The following PLCE1 variants were observed in gnomAD, a reference collection of about 807,000 sequenced individuals.
The protein encoded by PLCE1 is phospholipase C epsilon 1.
A neutral mutation model predicts 242.8 loss-of-function variants in PLCE1; 119 were observed. The observed-to-expected ratio is 0.49, with a 90% CI of 0.42 to 0.57. The LOEUF is 0.57. Ranked by LOEUF, PLCE1 falls within the 20% of genes least tolerant of loss-of-function variation. The pLI, the probability that PLCE1 is intolerant of heterozygous loss-of-function variation, is 0.00. For missense variants in PLCE1, 2,441 were observed against 2,788.8 expected, an observed-to-expected ratio of 0.88 and a Z score of 2.81; for synonymous variants, 945 against 1,017.4, an observed-to-expected ratio of 0.93 and a Z score of 1.35.
In PLCE1 at chr10:94,116,391, T is replaced by C. The variant is rs868324318; in HGVS notation, c.1207-15783T>C. 9.2e-5 allele frequency among the ~76,000 whole-genome samples: 14 copies of C among 152,324 alleles called. 1 individual carries two copies. The highest frequency in any genetic ancestry group is 2.1e-4 in the South Asian group (1 of 4,830). On this transcript the variant is annotated intron_variant, in intron 2 of 32. Coordinates refer to ENST00000371380, the MANE Select transcript of PLCE1 (RefSeq NM_016341.4). ...ATTGGTAGGAAAAGGTTGCCAAGTC[T>C]GCCTTAAGAATTTTTAGGAATGGCA...
At chr10:94,220,389 T>TATAC (rs1437377538) in intron 4 of PLCE1, among the ~76,000 whole-genome samples, 1 of 117,640 alleles carries the variant, frequency 8.5e-6, no homozygotes, top group East Asian at 2.8e-4. Context: ...TATATATATA[T>TATAC]ATATATATAT....
At chr10:94,231,739 C>A (rs576251377) in intron 5 of PLCE1, among the ~76,000 whole-genome samples, 12 of 152,266 alleles carry the variant, frequency 7.9e-5, no homozygotes, top group Admixed American at 7.8e-4. Flanking sequence ...CACATCAGAT[C>A]ATCAGGCATT....
chr10:94,274,612 AG>A (rs2051877030), intron 19 of PLCE1, among the ~76,000 whole-genome samples: 1 of 152,170 alleles, frequency 6.6e-6, no homozygotes, highest in South Asian at 2.1e-4. Context: ...GATACAGGAC[AG>A]CTGGAAGTGG....
Position 94,287,878 on chromosome 10 carries a change from G to C in PLCE1, c.5035+2913G>C, listed in dbSNP as rs185867863. Among the ~76,000 whole-genome samples the C allele has an allele frequency of 2.0e-4, 30 of 152,070 alleles. No individual in the cohort carries two copies. The East Asian group carries it at 5.6e-3, about 28-fold the overall frequency. ...CTAGTGCCAGGCCATTGCTCAGAGT[G>C]TTCTCAACCTTGCCTGGCCTTCCTT... On this transcript the variant is annotated intron_variant, in intron 22 of 32. Coordinates refer to ENST00000371380, the MANE Select transcript of PLCE1 (RefSeq NM_016341.4).
chr10:94,186,845 C>G (rs2136530884), intron 4 of PLCE1, among the ~76,000 whole-genome samples: 1 of 152,314 alleles, frequency 6.6e-6, no homozygotes, highest in East Asian at 1.9e-4. Flanking sequence ...TCTAATTTCT[C>G]TCGCATTCGT....
At chr10:94,067,298 G>T (rs1413069147) in intron 2 of PLCE1, among the ~76,000 whole-genome samples, 1 of 152,174 alleles carries the variant, frequency 6.6e-6, no homozygotes, top group Non-Finnish European at 1.5e-5. Flanking sequence ...GACTGAATCA[G>T]AGTTTTTGGA....
intron 2 of PLCE1, among the ~76,000 whole-genome samples, chr10:94,060,634 CTGTGATACATTA>C (rs2044024884): frequency 6.6e-6 from 1 of 151,680 alleles, no homozygotes. Flanking sequence ...TTTTTTGCAG[CTGTGATACATTA>C]ACGTTAGCAT....
intron 1 of PLCE1, among the ~76,000 whole-genome samples, chr10:94,019,762 C>A (rs1359632539): frequency 1.3e-5 from 2 of 151,950 alleles, no homozygotes; most frequent in Admixed American, 6.6e-5. Context: ...ATCTAAACTT[C>A]AAATAAATAG....
chr10:94,312,087 A>G (rs572793352), intron 27 of PLCE1, among the ~76,000 whole-genome samples: 3 of 152,284 alleles, frequency 2.0e-5, no homozygotes, highest in East Asian at 3.9e-4. Flanking sequence ...GGTTTTGTAA[A>G]TGTTGGCAAC....
intron 2 of PLCE1, among the ~76,000 whole-genome samples, chr10:94,060,539 C>T (rs746440972): frequency 3.6e-4 from 55 of 152,002 alleles, no homozygotes; most frequent in Non-Finnish European, 5.3e-4. Flanking sequence ...AATGAGTACT[C>T]GTGTGGCTTG....
rs146053648 is a variant in PLCE1 at position 94,183,954 on chromosome 10, C to T, written c.1809+12458C>T. ...CCACCCCATGATCCAGCACCTCCCA[C>T]GAGGCCCCAACATTGGGGATCACAT... On this transcript the variant is annotated intron_variant, in intron 4 of 32. Coordinates refer to ENST00000371380, the MANE Select transcript of PLCE1 (RefSeq NM_016341.4). Among the ~76,000 whole-genome samples, 641 of 152,310 alleles carry T rather than the reference C, an allele frequency of 4.2e-3. 5 individuals are homozygous for T. The highest frequency in any genetic ancestry group is 0.013 in the African/African-American group (550 of 41,558).
intron 4 of PLCE1, among the ~76,000 whole-genome samples, chr10:94,173,081 T>C (rs2048030510): frequency 6.6e-6 from 1 of 152,192 alleles, no homozygotes; most frequent in Non-Finnish European, 1.5e-5. Context: ...GAGACAGATA[T>C]TGTCATTAGC....
intron 1 of PLCE1, among the ~76,000 whole-genome samples, chr10:94,007,909 G>A (rs180875998): frequency 1.4e-3 from 213 of 151,014 alleles, no homozygotes; most frequent in African/African-American, 4.7e-3. Context: ...CAGGCATGGT[G>A]GCTTATGCTT....
chr10:94,176,868 G>T (rs907524607), intron 4 of PLCE1, among the ~76,000 whole-genome samples: 1 of 152,200 alleles, frequency 6.6e-6, no homozygotes, highest in Non-Finnish European at 1.5e-5. Context: ...GGGGTGTCCA[G>T]GTGGGTGACA....
chr10:94,231,193 A>G (rs1479399129), intron 5 of PLCE1, among the ~76,000 whole-genome samples: 1 of 152,240 alleles, frequency 6.6e-6, no homozygotes, highest in Non-Finnish European at 1.5e-5. Flanking sequence ...CAATTCAACA[A>G]TAAAGAATTG....
rs1195475424 is a variant in PLCE1 at position 94,332,199 on chromosome 10, A to G, written c.*4256A>G. 3.3e-5 allele frequency: 5 copies of G among 152,250 alleles called. No individual in the cohort carries two copies. The East Asian group carries it at 9.7e-4, about 29-fold the overall frequency. 9.4% of individuals were successfully genotyped at this position (152,250 alleles called of 1,614,324 possible). ...ACTCTTATACATCTCTTAGATTCAA[A>G]ACATACTATGCACAAGCCTGTCACC... On this transcript the variant is annotated 3_prime_UTR_variant, in exon 33 of 33. Coordinates refer to ENST00000371380, the MANE Select transcript of PLCE1 (RefSeq NM_016341.4).
At chr10:94,265,595 C>T (rs369325600) in intron 14 of PLCE1, 52 bp from the exon 15 acceptor site, 3 of 1,442,020 alleles carry the variant, frequency 2.1e-6, no homozygotes, top group African/African-American at 1.4e-5. Flanking sequence ...GTTTCTTTCC[C>T]CCTCTTAGTT....
chr10:94,029,074 C>T (rs1196061703), intron 1 of PLCE1, among the ~76,000 whole-genome samples: 1 of 152,004 alleles, frequency 6.6e-6, no homozygotes, highest in Non-Finnish European at 1.5e-5. Context: ...AGCCTGGTAA[C>T]AGAATGGGAC....
At chr10:94,103,244 C>CAGAT (rs2045603889) in intron 2 of PLCE1, among the ~76,000 whole-genome samples, 1 of 152,214 alleles carries the variant, frequency 6.6e-6, no homozygotes, top group South Asian at 2.1e-4. Context: ...CACCATTTTA[C>CAGAT]AGATAGGCAA....
Sources: gnomAD v4.1 joint callset for allele counts (sites outside exome capture counted in the v4.1 genomes callset) on GRCh38, gnomAD v4.1.1 for gene constraint, MANE v1.5 for transcripts, NCBI Gene and HGNC (gene_info 2026-07-23, HGNC 2026-07-21) for gene names.